NRXN1: variants seen among roughly 807,000 people sequenced by gnomAD.
NRXN1 encodes the protein neurexin 1.
In NRXN1, 39 loss-of-function variants were observed where a neutral mutation model predicts 150.9. The observed-to-expected ratio is 0.26, with a 90% CI of 0.20 to 0.34. The LOEUF (loss-of-function observed/expected upper bound fraction) is 0.34. Among genes scored for constraint, NRXN1 ranks in the 10% least tolerant of loss-of-function variants. NRXN1 has a pLI of 1.00. For synonymous variants in NRXN1, 924 were observed against 757.0 expected (o/e 1.22, Z -3.62); for missense variants, 1,815 against 1,949.9 (o/e 0.93, Z 1.30).
intron 8 of NRXN1, among the ~76,000 whole-genome samples, chr2:50,587,966 T>C (rs1673445474): frequency 6.6e-6 from 1 of 152,214 alleles, no homozygotes; most frequent in African/African-American, 2.4e-5. Context: ...ATTATTTTAG[T>C]AAGAAATGAT....
chr2:50,965,429 G>A (rs968797275), intron 2 of NRXN1, among the ~76,000 whole-genome samples: 2 of 150,950 alleles, frequency 1.3e-5, no homozygotes, highest in Non-Finnish European at 3.0e-5. Context: ...AAAAAAATTA[G>A]GGGGAACATT....
intron 17 of NRXN1, among the ~76,000 whole-genome samples, chr2:50,449,413 C>T (rs543560434): frequency 5.9e-5 from 9 of 152,270 alleles, no homozygotes; most frequent in East Asian, 1.9e-4. Context: ...TTCCTTAAGT[C>T]GACTTAGTCA....
chr2:50,219,948 TATATA>T (rs2063709196), intron 18 of NRXN1, among the ~76,000 whole-genome samples: 1 of 66,944 alleles, frequency 1.5e-5, no homozygotes, highest in Non-Finnish European at 2.5e-5. Context: ...ATATATTATA[TATATA>T]ATATATATAT....
chr2:50,503,381 T>G (rs1573291703), intron 13 of NRXN1, among the ~76,000 whole-genome samples: 2 of 151,260 alleles, frequency 1.3e-5, no homozygotes, highest in East Asian at 1.9e-4. Context: ...TGAAGGCATG[T>G]CATGAGATCA....
At chr2:50,278,257 A>T (rs1182777014) in intron 17 of NRXN1, among the ~76,000 whole-genome samples, 4 of 102,372 alleles carry the variant, frequency 3.9e-5, no homozygotes, top group South Asian at 5.5e-4. Flanking sequence ...TATATATATT[A>T]TATATATTAT....
intron 12 of NRXN1, among the ~76,000 whole-genome samples, chr2:50,508,022 G>A (rs924925040): frequency 1.3e-5 from 2 of 152,014 alleles, no homozygotes; most frequent in South Asian, 2.1e-4. Flanking sequence ...AAGAGAGATC[G>A]AGTAAGAGAC....
intron 5 of NRXN1, among the ~76,000 whole-genome samples, chr2:50,698,092 T>A (rs1469937973): frequency 6.6e-6 from 1 of 152,238 alleles, no homozygotes; most frequent in South Asian, 2.1e-4. Flanking sequence ...GAATCCTCCT[T>A]CTCTCATGAG....
intron 5 of NRXN1, 56 bp from the exon 6 acceptor site, chr2:50,623,671 C>A: frequency 1.6e-6 from 2 of 1,248,502 alleles, no homozygotes; most frequent in Non-Finnish European, 2.2e-6. Context: ...TGCAAATCAG[C>A]AGGTCTTAAC....
intron 8 of NRXN1, among the ~76,000 whole-genome samples, chr2:50,590,332 T>TATATGTACATC (rs1558983091): frequency 1.3e-5 from 2 of 151,966 alleles, no homozygotes; most frequent in African/African-American, 4.8e-5. Context: ...CTGTTTGATG[T>TATATGTACATC]AGCTCTATAC....
rs747724604 is a variant in NRXN1, at chr2:51,028,087, C to A, written c.187G>T (p.Ala63Ser). Reference sequence around the variant, plus strand: ...TCGAAGTAGAGCACGAGGCCGCGGGCGCTGCGAGTCTTGAGCTGGAAGCTC... The same window carrying A: ...TCGAAGTAGAGCACGAGGCCGCGGGAGCTGCGAGTCTTGAGCTGGAAGCTC... ...EMSFQLKTRSARGLVLYFDDE... is the reference protein window; with the variant it reads ...EMSFQLKTRSSRGLVLYFDDE... Residue 63 changes from alanine (A) to serine (S), a missense_variant, in exon 2 of 23, where the codon GCC becomes TCC. Physicochemically the swap from Ala to Ser is moderately conservative, Grantham distance 99 (BLOSUM62 1). Around this residue, in one of 6 missense-constraint regions of NRXN1, gnomAD observed 554 missense variants for 478.8 expected, o/e 1.16. Transcript: ENST00000401669. The A allele has an allele frequency of 1.9e-6, 3 of 1,585,104 alleles. No homozygotes were observed. Among genetic ancestry groups the A allele is most frequent in the Non-Finnish European group, 2.6e-6 (3 of 1,168,862 alleles).
At chr2:50,551,098 GGA>G (rs1573510579) in intron 9 of NRXN1, among the ~76,000 whole-genome samples, 2 of 130,884 alleles carry the variant, frequency 1.5e-5, no homozygotes, top group African/African-American at 3.3e-5. Flanking sequence ...AGGAGGAGGA[GGA>G]GGAGGGAGGG....
At chr2:50,163,584 T>C (rs1377317866) in intron 18 of NRXN1, among the ~76,000 whole-genome samples, 1 of 152,168 alleles carries the variant, frequency 6.6e-6, no homozygotes, top group Non-Finnish European at 1.5e-5. Context: ...ATGTCTTATA[T>C]GGTTTTTACA....
At chr2:50,965,195 G>T (rs550744724) in intron 2 of NRXN1, among the ~76,000 whole-genome samples, 208 of 151,330 alleles carry the variant, frequency 1.4e-3, no homozygotes, top group African/African-American at 4.9e-3. Context: ...TGTGTCATAT[G>T]TATTTACAGA....
intron 5 of NRXN1, chr2:50,631,285 C>A: frequency 3.2e-6 from 1 of 308,882 alleles, no homozygotes; most frequent in South Asian, 2.8e-5. Flanking sequence ...AGGTAAACCT[C>A]GAGACCAATC....
intron 8 of NRXN1, among the ~76,000 whole-genome samples, chr2:50,583,593 A>G (rs1365082409): frequency 2.0e-5 from 3 of 152,184 alleles, no homozygotes; most frequent in South Asian, 4.1e-4. Flanking sequence ...CACTCGATAT[A>G]TAGGGGTACT....
intron 21 of NRXN1, among the ~76,000 whole-genome samples, chr2:50,039,146 C>T (rs1375326958): frequency 6.6e-6 from 1 of 152,056 alleles, no homozygotes; most frequent in East Asian, 1.9e-4. Flanking sequence ...CACTGTACTC[C>T]AGCCTGAGCA....
At chr2:50,147,220 G>T (rs967285710) in intron 18 of NRXN1, among the ~76,000 whole-genome samples, 3 of 151,694 alleles carry the variant, frequency 2.0e-5, no homozygotes, top group Non-Finnish European at 3.0e-5. Flanking sequence ...GCAGCTAGAA[G>T]AAGCTAGAGT....
intron 17 of NRXN1, among the ~76,000 whole-genome samples, chr2:50,321,819 CAATT>C (rs1209729112): frequency 5.9e-5 from 9 of 152,036 alleles, no homozygotes; most frequent in African/African-American, 1.9e-4. Context: ...AATAATAAAA[CAATT>C]AACCAGAAGT....
chr2:50,925,795 GT>G, intron 3 of NRXN1, 142 bp downstream of exon 3: 1 of 674,110 alleles, frequency 1.5e-6, no homozygotes, highest in South Asian at 1.8e-5. Flanking sequence ...TATGTGTTCT[GT>G]ATGAAAAGTG....
Sources: gnomAD v4.1 joint callset for allele counts (sites outside exome capture counted in the v4.1 genomes callset) on GRCh38, gnomAD v4.1.1 for gene constraint, gnomAD v4.1.1 regional missense constraint, MANE v1.5 for transcripts, NCBI Gene and HGNC (gene_info 2026-07-23, HGNC 2026-07-21) for gene names.